Variants in STAC3 observed in about 807,000 individuals in gnomAD.
STAC3 encodes the protein SH3 and cysteine rich domain 3.
Under a neutral mutation model 48.5 loss-of-function variants are expected in STAC3, and 30 were observed. The ratio of observed to expected loss-of-function variants is 0.62; its 90% confidence interval spans 0.46 to 0.84. The LOEUF is 0.84. Ranked by LOEUF, STAC3 falls within the 40% of genes least tolerant of loss-of-function variation. The pLI is 0.00. For synonymous variants in STAC3, 144 were observed against 158.6 expected, an observed-to-expected ratio of 0.91 and a Z score of 0.69; for missense variants, 419 against 462.6, an observed-to-expected ratio of 0.91 and a Z score of 0.86.
chr12:57,248,146 T>C lies in STAC3; in HGVS notation c.485A>G (p.Tyr162Cys), dbSNP rs762921562. ...YSSPLYSNQQ[Y>C]ACVKDLSAAN... ...CTTACAGAGATCTTTGACACAAGCGTACTGCTGGTTGCTGTAGAGTGGGGA... is the reference window on the plus strand; with the variant it reads ...CTTACAGAGATCTTTGACACAAGCGCACTGCTGGTTGCTGTAGAGTGGGGA... Residue 162 changes from tyrosine to cysteine, a missense_variant, in exon 5 of 12, where the codon TAC becomes TGC. Physicochemically the swap from Tyr to Cys is radical, Grantham distance 194 (BLOSUM62 -2). Transcript: ENST00000332782. 10 of 1,614,026 alleles carry C rather than the reference T, an allele frequency of 6.2e-6. No homozygotes were observed. The East Asian group carries it at 2.2e-4, about 36-fold the overall frequency.
At chr12:57,244,668 C>T in intron 8 of STAC3, 46 bp from the exon 9 acceptor site, 2 of 1,600,080 alleles carry the variant, frequency 1.2e-6, no homozygotes, top group Non-Finnish European at 8.6e-7. Context: ...CTCTACCCCA[C>T]ACTGAGGGGC....
intron 1 of STAC3, among the ~76,000 whole-genome samples, chr12:57,250,343 T>C (rs548541049): frequency 1.4e-5 from 2 of 141,046 alleles, no homozygotes; most frequent in African/African-American, 2.7e-5. Flanking sequence ...TGAGCCGGGA[T>C]TGTGCCACTG....
intron 6 of STAC3, among the ~76,000 whole-genome samples, 163 bp downstream of exon 6, chr12:57,246,641 C>T (rs957368986): frequency 1.6e-4 from 24 of 152,174 alleles, no homozygotes; most frequent in Non-Finnish European, 3.4e-4. Context: ...CCACCTCGGC[C>T]TCCCAAAGTG....
chr12:57,244,039 TG>T (rs764533129), intron 11 of STAC3, 48 bp downstream of exon 11: 1 of 1,613,114 alleles, frequency 6.2e-7, no homozygotes, highest in East Asian at 2.2e-5. Context: ...AGGAGTGTGG[TG>T]GGCTAGGGAG....
rs1435466632 is a variant in STAC3 at position 57,248,427 on chromosome 12, G to A, written c.433-229C>T. On this transcript the variant is annotated intron_variant, in intron 4 of 11. Coordinates refer to ENST00000332782, the MANE Select transcript of STAC3 (RefSeq NM_145064.3). ...GGAGTCTCGCTCTGTCACCCAGGCT[G>A]GAGTGCAGTGGCACAATCTCGGCTC... 1.8e-5 allele frequency: 10 copies of A among 563,100 alleles called. No homozygotes were observed. In the Admixed American group the frequency reaches 1.9e-4, roughly 11 times the overall value. The allele number at this position is 563,100 out of a possible 1,614,324, so 34.9% of individuals were successfully genotyped here. A position where few individuals can be genotyped will look rare whatever the true frequency, so the allele number is the denominator to read the frequency against.
chr12:57,245,900 G>A (rs61440074), intron 6 of STAC3, among the ~76,000 whole-genome samples: 3 of 151,926 alleles, frequency 2.0e-5, no homozygotes, highest in East Asian at 2.0e-4. Context: ...ACCTGAGGTC[G>A]GGAGTTCGAG....
chr12:57,244,847 C>T, intron 8 of STAC3, 69 bp downstream of exon 8: 1 of 1,566,130 alleles, frequency 6.4e-7, no homozygotes, highest in Admixed American at 1.7e-5. Flanking sequence ...CTGCCAGGGC[C>T]ATGAGTAGTG....
chr12:57,246,759 C>T, intron 6 of STAC3, 45 bp downstream of exon 6: 6 of 1,540,256 alleles, frequency 3.9e-6, no homozygotes, highest in Non-Finnish European at 5.4e-6. Context: ...TGACCTGCTC[C>T]ATGGGATCTC....
chr12:57,248,609 G>A lies in STAC3; in HGVS notation c.432+97C>T, dbSNP rs150491795. ...AGGATGGTCTCGATCTCCTGACCTCGTGATCCGCCCACCTCAGCCTCCCAA... is the reference window on the plus strand; with the variant it reads ...AGGATGGTCTCGATCTCCTGACCTCATGATCCGCCCACCTCAGCCTCCCAA... On this transcript the variant is annotated intron_variant, in intron 4 of 11. Transcript: ENST00000332782. The A allele has an allele frequency of 1.1e-3, 1,032 of 921,164 alleles. 10 individuals carry two copies. In the African/African-American group the frequency reaches 0.015, roughly 13 times the overall value. The allele number at this position is 921,164 out of a possible 1,614,324, so 57.1% of individuals were successfully genotyped here. A position where few individuals can be genotyped will look rare whatever the true frequency, so the allele number is the denominator to read the frequency against.
In STAC3 at chr12:57,243,509, C is replaced by T. The variant is rs1377328061; in HGVS notation, c.*303G>A. 2 of 583,850 alleles carry T rather than the reference C, an allele frequency of 3.4e-6. No individual in the cohort carries two copies. The highest frequency in any genetic ancestry group is 6.1e-6 in the Non-Finnish European group (2 of 325,232). 36.2% of individuals were successfully genotyped at this position (583,850 alleles called of 1,614,324 possible). A position where few individuals can be genotyped will look rare whatever the true frequency, so the allele number is the denominator to read the frequency against. ...TCGCAACATTCGACAGTTCGCCCTC[C>T]CTCGCCCCCGCCCCCCGCCCCAGTC... On this transcript the variant is annotated 3_prime_UTR_variant, in exon 12 of 12. Transcript: ENST00000332782.
intron 1 of STAC3, among the ~76,000 whole-genome samples, chr12:57,250,195 G>C (rs2136838891): frequency 6.6e-6 from 1 of 151,944 alleles, no homozygotes; most frequent in East Asian, 1.9e-4. Context: ...TTCAAGACTA[G>C]CCTGGCCAAC....
At chr12:57,244,259 A>T in intron 10 of STAC3, 34 bp from the exon 11 acceptor site, 1 of 1,614,140 alleles carries the variant, frequency 6.2e-7, no homozygotes, top group Non-Finnish European at 8.5e-7. Context: ...CCATCTCTCA[A>T]TGTCGGGTTC....
rs760913974 is a variant in STAC3, at chr12:57,248,665, G to A, written c.432+41C>T. The A allele has an allele frequency of 5.9e-6, 9 of 1,516,624 alleles. No homozygotes were observed. In the East Asian group the frequency reaches 1.4e-4, roughly 23 times the overall value. 93.9% of individuals were successfully genotyped at this position (1,516,624 alleles called of 1,614,324 possible). ...TGGGATTACAGGCGTGAGCCACCACGCGTGGCCATGTCCCCTCCTTGCTCT... is the reference window on the plus strand; with the variant it reads ...TGGGATTACAGGCGTGAGCCACCACACGTGGCCATGTCCCCTCCTTGCTCT... On this transcript the variant is annotated intron_variant, in intron 4 of 11. Transcript: ENST00000332782.
chr12:57,248,159 T>C lies in STAC3; in HGVS notation c.472A>G (p.Ser158Gly). The change falls in exon 5 of 12, where the codon AGC becomes GGC. Residue 158 changes from serine to glycine, a missense_variant. Coordinates refer to ENST00000332782, the MANE Select transcript of STAC3 (RefSeq NM_145064.3). ...TTGACACAAGCGTACTGCTGGTTGCTGTAGAGTGGGGAACTATAGGCCCGA... is the reference window on the plus strand; with the variant it reads ...TTGACACAAGCGTACTGCTGGTTGCCGTAGAGTGGGGAACTATAGGCCCGA... ...FHRAYSSPLY[S>G]NQQYACVKDL... 6.2e-7 allele frequency: 1 copy of C among 1,614,080 alleles called. No individual in the cohort carries two copies.
rs751801826 is a variant in STAC3 at position 57,243,773 on chromosome 12, T to C, written c.*39A>G. 6.3e-7 allele frequency: 1 copy of C among 1,583,760 alleles called. No homozygotes were observed. Among genetic ancestry groups the C allele is most frequent in the Non-Finnish European group, 8.7e-7 (1 of 1,154,086 alleles). On this transcript the variant is annotated 3_prime_UTR_variant, in exon 12 of 12. Coordinates refer to ENST00000332782, the MANE Select transcript of STAC3 (RefSeq NM_145064.3). ...CAAACTCCACTGGGCCCGCCCAGAA[T>C]GGGGTGTGGGTGTCTCCCGCTTGCA... is the stretch of plus-strand genomic sequence containing the variant.
rs543133151 is a variant in STAC3 at position 57,251,100 on chromosome 12, C to A, written c.-109G>T. On this transcript the variant is annotated 5_prime_UTR_variant, in exon 1 of 12. Coordinates refer to ENST00000332782, the MANE Select transcript of STAC3 (RefSeq NM_145064.3). ...TGGTCCTCTTCCTTGGGGGCTAAGC[C>A]CCCCCAGTACCCCCTGTGTTCACAC... The A allele has an allele frequency of 1.1e-3, 512 of 448,926 alleles. No individual in the cohort carries two copies. The highest frequency in any genetic ancestry group is 2.1e-3 in the Non-Finnish European group (470 of 223,390). 27.8% of individuals were successfully genotyped at this position (448,926 alleles called of 1,614,324 possible). A position where few individuals can be genotyped will look rare whatever the true frequency, so the allele number is the denominator to read the frequency against.
Position 57,244,204 on chromosome 12 carries a change from C to G in STAC3, c.880G>C (p.Gly294Arg), listed in dbSNP as rs1372959649. Residue 294 changes from glycine to arginine, a missense_variant, in exon 11 of 12, where the codon GGA becomes CGA. Physicochemically the swap from Gly to Arg is moderately radical, Grantham distance 125. Transcript: ENST00000332782. ...WWRGKIGEKV[G>R]FFPPNFIIRV... Reference sequence around the variant, plus strand: ...ATGATGAAGTTTGGAGGGAAAAATCCGACCTTCTCCCCGATTTTCCCCTAG... The same window carrying G: ...ATGATGAAGTTTGGAGGGAAAAATCGGACCTTCTCCCCGATTTTCCCCTAG... 6.2e-7 allele frequency: 1 copy of G among 1,614,166 alleles called. No individual in the cohort carries two copies. Among genetic ancestry groups the G allele is most frequent in the Non-Finnish European group, 8.5e-7 (1 of 1,180,034 alleles).
intron 1 of STAC3, 54 bp downstream of exon 1, chr12:57,250,939 A>G (rs2037889593): frequency 8.4e-6 from 2 of 237,734 alleles, no homozygotes; most frequent in Admixed American, 4.8e-5. Flanking sequence ...ATTATAGATC[A>G]GGGCAGCTGG....
At chr12:57,246,006 G>A (rs1011273620) in intron 6 of STAC3, among the ~76,000 whole-genome samples, 1 of 151,554 alleles carries the variant, frequency 6.6e-6, no homozygotes, top group African/African-American at 2.4e-5. Flanking sequence ...CTACTCGGGA[G>A]GCTGAGGCAG....
Sources: allele counts gnomAD v4.1 joint callset (sites outside exome capture counted in the v4.1 genomes callset), GRCh38; gene constraint gnomAD v4.1.1; transcripts MANE v1.5; gene names NCBI Gene and HGNC (gene_info 2026-07-23, HGNC 2026-07-21).